The following CFAP95 variants were observed in gnomAD, a reference collection of about 807,000 sequenced individuals.
The protein encoded by CFAP95 is cilia- and flagella-associated protein 95.
chr9:69,899,097 C>T, the CFAP95 span, among the ~76,000 whole-genome samples: 1 of 152,208 alleles, frequency 6.6e-6, no homozygotes, highest in Admixed American at 6.5e-5. Context: ...TCTGGTTACA[C>T]TCATCTACCT....
chr9:69,837,704 T>G, the CFAP95 span, among the ~76,000 whole-genome samples: 1 of 152,244 alleles, frequency 6.6e-6, no homozygotes, highest in Non-Finnish European at 1.5e-5. Flanking sequence ...TGATGGTAGT[T>G]TCTTTTGCTG....
chr9:69,882,306 C>A, the CFAP95 span, among the ~76,000 whole-genome samples: 1 of 152,082 alleles, frequency 6.6e-6, no homozygotes, highest in African/African-American at 2.4e-5. Context: ...GATTTTGTGT[C>A]CTGCAACTTT....
the CFAP95 span, among the ~76,000 whole-genome samples, chr9:69,861,241 T>C: frequency 2.1e-3 from 319 of 152,052 alleles, 2 homozygotes; most frequent in African/African-American, 7.2e-3. Flanking sequence ...TCGTATGGAG[T>C]CTTCATAGTA....
At chr9:69,895,865 G>C in the CFAP95 span, among the ~76,000 whole-genome samples, 1 of 151,746 alleles carries the variant, frequency 6.6e-6, no homozygotes, top group Non-Finnish European at 1.5e-5. Context: ...GAATGATCTC[G>C]GCTCACTGCA....
the CFAP95 span, among the ~76,000 whole-genome samples, chr9:69,842,373 C>G: frequency 6.6e-6 from 1 of 152,134 alleles, no homozygotes; most frequent in Non-Finnish European, 1.5e-5. Flanking sequence ...ACCACACAAA[C>G]CCCTCAGAAC....
At chr9:69,879,071 C>T in the CFAP95 span, among the ~76,000 whole-genome samples, 1 of 152,180 alleles carries the variant, frequency 6.6e-6, no homozygotes, top group Non-Finnish European at 1.5e-5. Flanking sequence ...CACCTCCCCC[C>T]AGGCCTCACC....
the CFAP95 span, among the ~76,000 whole-genome samples, chr9:69,881,078 G>A: frequency 6.6e-6 from 1 of 151,978 alleles, no homozygotes; most frequent in Non-Finnish European, 1.5e-5. Flanking sequence ...CTTGTCAGAT[G>A]GGTAGTTTGT....
chr9:69,874,810 T>C, the CFAP95 span, among the ~76,000 whole-genome samples: 1 of 152,296 alleles, frequency 6.6e-6, no homozygotes, highest in Admixed American at 6.5e-5. Flanking sequence ...GGATGGGAGC[T>C]GTAAAGCAGA....
the CFAP95 span, among the ~76,000 whole-genome samples, chr9:69,883,002 A>G: frequency 6.6e-6 from 1 of 152,128 alleles, no homozygotes; most frequent in Non-Finnish European, 1.5e-5. Context: ...TCTATATTTC[A>G]GAATAGTTGA....
At chr9:69,837,808 T>C in the CFAP95 span, among the ~76,000 whole-genome samples, 3 of 152,354 alleles carry the variant, frequency 2.0e-5, no homozygotes, top group East Asian at 5.8e-4. Flanking sequence ...TCCTTGCCCA[T>C]GCCTATGTCC....
the CFAP95 span, among the ~76,000 whole-genome samples, chr9:69,880,953 G>C: frequency 1.3e-5 from 2 of 152,008 alleles, no homozygotes; most frequent in African/African-American, 4.8e-5. Flanking sequence ...CCACTTGTAT[G>C]TCTTCTTTTG....
At chr9:69,853,242 G>C in the CFAP95 span, among the ~76,000 whole-genome samples, 17 of 152,126 alleles carry the variant, frequency 1.1e-4, no homozygotes, top group African/African-American at 3.9e-4. Flanking sequence ...AGTCATAAGT[G>C]TTCTCTTCAT....
the CFAP95 span, among the ~76,000 whole-genome samples, chr9:69,839,456 C>T: frequency 5.9e-5 from 9 of 152,084 alleles, no homozygotes; most frequent in Admixed American, 5.2e-4. Context: ...TCCAGAGTCT[C>T]ACTTCGTCAC....
At chr9:69,893,808 G>A in the CFAP95 span, among the ~76,000 whole-genome samples, 2 of 152,080 alleles carry the variant, frequency 1.3e-5, no homozygotes, top group South Asian at 2.1e-4. Flanking sequence ...TATTTTATTT[G>A]TACTTCATCT....
the CFAP95 span, among the ~76,000 whole-genome samples, chr9:69,831,117 A>G: frequency 6.6e-6 from 1 of 152,170 alleles, no homozygotes; most frequent in Middle Eastern, 3.2e-3. Context: ...AATTGCAGAA[A>G]TATTATAATA....
the CFAP95 span, among the ~76,000 whole-genome samples, chr9:69,839,466 C>G: frequency 6.6e-6 from 1 of 152,116 alleles, no homozygotes; most frequent in Non-Finnish European, 1.5e-5. Flanking sequence ...CACTTCGTCA[C>G]CCAGGCTACC....
the CFAP95 span, among the ~76,000 whole-genome samples, chr9:69,889,463 C>T: frequency 5.9e-5 from 9 of 152,192 alleles, no homozygotes; most frequent in African/African-American, 1.2e-4. Flanking sequence ...GAGAAATGTT[C>T]CCTGGTCCTG....
the CFAP95 span, among the ~76,000 whole-genome samples, chr9:69,854,353 T>C: frequency 7.2e-5 from 11 of 152,236 alleles, no homozygotes; most frequent in Admixed American, 2.0e-4. Context: ...TGATTTACTA[T>C]AACCTACTAT....
chr9:69,858,032 T>A, the CFAP95 span: 123 of 1,565,244 alleles, frequency 7.9e-5, no homozygotes, highest in Non-Finnish European at 1.1e-4. Flanking sequence ...ATTCAGAAGG[T>A]TTGTTTGCAG....
Sources: allele counts gnomAD v4.1 joint callset (sites outside exome capture counted in the v4.1 genomes callset), GRCh38; gene constraint gnomAD v4.1.1; transcripts MANE v1.5; gene names NCBI Gene and HGNC (gene_info 2026-07-23, HGNC 2026-07-21).